Variants in TBXAS1 observed in about 807,000 individuals in gnomAD.
The protein encoded by TBXAS1 is thromboxane A synthase 1.
In TBXAS1, 48 loss-of-function variants were observed where a neutral mutation model predicts 60.7. The ratio of observed to expected loss-of-function variants is 0.79; its 90% CI spans 0.63 to 1.01. The LOEUF (loss-of-function observed/expected upper bound fraction) is 1.01, where lower values mean the gene tolerates loss of function less well. TBXAS1 is among the 50% of genes least tolerant of loss of function. The pLI, the probability that TBXAS1 is intolerant of heterozygous loss-of-function variation, is 0.00. For synonymous variants in TBXAS1, 287 were observed against 269.7 expected (o/e 1.06, Z -0.63); for missense variants, 685 against 686.3 (o/e 1.00, Z 0.02).
chr7:140,020,270 T>C lies in TBXAS1; in HGVS notation c.*171T>C. Reference sequence around the variant, plus strand: ...TCCTAAATGCTTAATAAACGTTTGTTGCACTTGGTTTTGACATTGCCAATG... The same window carrying C: ...TCCTAAATGCTTAATAAACGTTTGTCGCACTTGGTTTTGACATTGCCAATG... On this transcript the variant is annotated 3_prime_UTR_variant, in exon 13 of 13. Coordinates refer to ENST00000448866, the MANE Select transcript of TBXAS1 (RefSeq NM_001061.7). The C allele has an allele frequency of 1.4e-6, 1 of 740,500 alleles. No individual in the cohort carries two copies. The highest frequency in any genetic ancestry group is 2.4e-6 in the Non-Finnish European group (1 of 422,038). The allele number at this position is 740,500 out of a possible 1,614,324, so 45.9% of individuals were successfully genotyped here. A position where few individuals can be genotyped will look rare whatever the true frequency, so the allele number is the denominator to read the frequency against.
intron 3 of TBXAS1, among the ~76,000 whole-genome samples, chr7:139,894,805 G>T (rs1174251546): frequency 6.6e-6 from 1 of 152,156 alleles, no homozygotes; most frequent in South Asian, 2.1e-4. Flanking sequence ...TGCTCCAGAT[G>T]TTGTCCACTC....
chr7:139,882,638 G>A (rs952401908), intron 3 of TBXAS1, among the ~76,000 whole-genome samples: 2 of 152,176 alleles, frequency 1.3e-5, no homozygotes, highest in Admixed American at 1.3e-4. Flanking sequence ...ATAGTATATT[G>A]AGAAAACACA....
chr7:139,957,549 C>A, intron 7 of TBXAS1, 85 bp from the exon 8 acceptor site: 1 of 1,595,214 alleles, frequency 6.3e-7, no homozygotes, highest in Non-Finnish European at 8.6e-7. Context: ...TCCAGGCCCG[C>A]GTTTGCTTCC....
chr7:139,868,759 C>T (rs1202642611), intron 1 of TBXAS1, among the ~76,000 whole-genome samples: 1 of 150,312 alleles, frequency 6.7e-6, no homozygotes, highest in Non-Finnish European at 1.5e-5. Context: ...TGGGTTCAAG[C>T]GATTCTCGTG....
chr7:139,844,943 C>T (rs980924739), intron 1 of TBXAS1, among the ~76,000 whole-genome samples: 2 of 152,114 alleles, frequency 1.3e-5, no homozygotes, highest in Admixed American at 1.3e-4. Flanking sequence ...TGAGAGAGGG[C>T]TGGGACACCT....
chr7:140,010,395 T>C (rs1449268076), intron 10 of TBXAS1, among the ~76,000 whole-genome samples: 1 of 152,218 alleles, frequency 6.6e-6, no homozygotes, highest in African/African-American at 2.4e-5. Context: ...ACAGCAGCCC[T>C]GTCTGAGCGC....
intron 4 of TBXAS1, among the ~76,000 whole-genome samples, chr7:139,917,051 G>A (rs1396700234): frequency 6.6e-6 from 1 of 152,234 alleles, no homozygotes; most frequent in African/African-American, 2.4e-5. Context: ...TTGTGAGAGT[G>A]GTTGCCATGC....
intron 9 of TBXAS1, among the ~76,000 whole-genome samples, chr7:139,993,878 CTT>C (rs1487589887): frequency 6.8e-6 from 1 of 146,152 alleles, no homozygotes; most frequent in African/African-American, 2.5e-5. Flanking sequence ...TTTGCTTTTT[CTT>C]TTTCTTTCTT....
chr7:139,876,668 G>A (rs1335842124), intron 3 of TBXAS1, among the ~76,000 whole-genome samples: 5 of 152,154 alleles, frequency 3.3e-5, no homozygotes, highest in Admixed American at 6.5e-5. Context: ...CCACAGTTTT[G>A]GTCAAGTTCT....
rs537459004 is a variant in TBXAS1 at position 139,999,263 on chromosome 7, G to A, written c.1135-7828G>A. ...GGGCTGGCCGGGCGCCATGGCTTAC[G>A]CCTATAATCCCAGCACTTTGGGAGG... On this transcript the variant is annotated intron_variant, in intron 9 of 12. Transcript: ENST00000448866. This position sits in a 1 kb window ranked among gnomAD's most constrained non-coding sequence, Gnocchi z 4.3. Among the ~76,000 whole-genome samples the A allele has an allele frequency of 2.6e-5, 4 of 152,306 alleles. No individual in the cohort carries two copies. The highest frequency in any genetic ancestry group is 1.9e-4 in the East Asian group (1 of 5,184).
intron 3 of TBXAS1, among the ~76,000 whole-genome samples, chr7:139,899,034 G>A (rs1804351578): frequency 2.7e-5 from 4 of 150,850 alleles, no homozygotes; most frequent in Admixed American, 1.3e-4. Context: ...CATTGCAGAA[G>A]TCACATGCGC....
intron 9 of TBXAS1, among the ~76,000 whole-genome samples, chr7:139,990,985 A>G (rs957839612): frequency 6.6e-6 from 1 of 152,176 alleles, no homozygotes; most frequent in Non-Finnish European, 1.5e-5. Context: ...CACGAAGACA[A>G]AAGAAACAAA....
At chr7:139,976,428 C>T (rs1811569007) in intron 9 of TBXAS1, among the ~76,000 whole-genome samples, 1 of 152,244 alleles carries the variant, frequency 6.6e-6, no homozygotes, top group African/African-American at 2.4e-5. Context: ...TTCCCAGATT[C>T]TCTGACTGAA....
intron 1 of TBXAS1, among the ~76,000 whole-genome samples, chr7:139,861,092 T>C (rs1229718375): frequency 6.6e-6 from 1 of 151,700 alleles, no homozygotes. Context: ...GAGAATTGCT[T>C]GAGCCCGGGA....
intron 8 of TBXAS1, 85 bp from the exon 9 acceptor site, chr7:139,961,834 G>A (rs1043606125): frequency 6.5e-7 from 1 of 1,530,010 alleles, no homozygotes; most frequent in Non-Finnish European, 9.0e-7. Flanking sequence ...CTATGCCCAT[G>A]TATCTTCCTC....
Position 139,916,672 on chromosome 7 carries a change from T to G in TBXAS1, c.333+5351T>G, listed in dbSNP as rs1806004999. 1.3e-5 allele frequency among the ~76,000 whole-genome samples: 2 copies of G among 152,204 alleles called. No homozygotes were observed. Among genetic ancestry groups the G allele is most frequent in the Admixed American group, 6.5e-5 (1 of 15,276 alleles). On this transcript the variant is annotated intron_variant, in intron 4 of 12. Transcript: ENST00000448866. This position sits in a 1 kb window ranked among gnomAD's most constrained non-coding sequence, Gnocchi z 4.2. ...TGGCATTGGTGAAGATGACTAAAGT[T>G]ATAGGCAAATTAGTCACTGGAAACC...
At chr7:139,825,794 C>T (rs1267679196), upstream of TBXAS1, among the ~76,000 whole-genome samples, 1 of 152,188 alleles carries the variant, frequency 6.6e-6, no homozygotes, top group Non-Finnish European at 1.5e-5. Context: ...CAGTGTTTCT[C>T]AAAGCACTCT....
intron 4 of TBXAS1, among the ~76,000 whole-genome samples, chr7:139,927,302 A>G (rs1338148651): frequency 1.3e-5 from 2 of 151,902 alleles, no homozygotes; most frequent in East Asian, 3.9e-4. Flanking sequence ...TTGTGTATCT[A>G]TTGTATGTTT....
At chr7:139,845,175 T>C (rs1260683344) in intron 1 of TBXAS1, among the ~76,000 whole-genome samples, 2 of 152,124 alleles carry the variant, frequency 1.3e-5, no homozygotes, top group Non-Finnish European at 2.9e-5. Flanking sequence ...CTGCCTTCTA[T>C]CTTGTGCTCC....
Sources: gnomAD v4.1 joint callset for allele counts (sites outside exome capture counted in the v4.1 genomes callset) on GRCh38, gnomAD v4.1.1 for gene constraint, Gnocchi (gnomAD v3.1) non-coding constraint, MANE v1.5 for transcripts, NCBI Gene and HGNC (gene_info 2026-07-23, HGNC 2026-07-21) for gene names.